MYO1B: variants seen among roughly 807,000 people sequenced by gnomAD.
MYO1B encodes the protein myosin IB.
A neutral mutation model predicts 159.7 loss-of-function variants in MYO1B; 72 were observed. That is an observed-to-expected ratio of 0.45 (90% CI 0.37 to 0.55). MYO1B has a LOEUF of 0.55. Among genes scored for constraint, MYO1B ranks in the 20% least tolerant of loss-of-function variants. The pLI is 0.00. For synonymous variants in MYO1B, 468 were observed against 473.8 expected (o/e 0.99, Z 0.16); for missense variants, 1,062 against 1,364.8 (o/e 0.78, Z 3.50).
chr2:191,416,450 A>G (rs1697571156), intron 30 of MYO1B: 2 of 565,722 alleles, frequency 3.5e-6, no homozygotes, highest in Non-Finnish European at 6.3e-6. Flanking sequence ...ACCAGTATGT[A>G]CAAATAAAAT....
intron 3 of MYO1B, among the ~76,000 whole-genome samples, chr2:191,313,192 C>CTTTTT (rs762175060): frequency 0.01 from 438 of 42,998 alleles, 100 homozygotes; most frequent in Non-Finnish European, 0.012. Flanking sequence ...GCACACATGG[C>CTTTTT]TTTTTTTTTT....
At chr2:191,307,423 C>T (rs886676240) in intron 3 of MYO1B, among the ~76,000 whole-genome samples, 61 of 152,118 alleles carry the variant, frequency 4.0e-4, no homozygotes, top group South Asian at 8.3e-4. Flanking sequence ...GCTTCTTTAC[C>T]GCAACCTGTT....
At chr2:191,397,230 T>C (rs1696168484) in intron 21 of MYO1B, among the ~76,000 whole-genome samples, 2 of 146,624 alleles carry the variant, frequency 1.4e-5, no homozygotes, top group Non-Finnish European at 3.0e-5. Context: ...TTCTTGGGTG[T>C]TTCTCGCAGA....
intron 3 of MYO1B, among the ~76,000 whole-genome samples, chr2:191,315,507 A>G (rs1392065394): frequency 6.6e-6 from 1 of 152,246 alleles, no homozygotes; most frequent in Non-Finnish European, 1.5e-5. Context: ...AGTTAATACC[A>G]TGACATCTTC....
At chr2:191,354,204 C>T (rs1027511158) in intron 7 of MYO1B, among the ~76,000 whole-genome samples, 7 of 151,392 alleles carry the variant, frequency 4.6e-5, no homozygotes, top group African/African-American at 7.3e-5. Context: ...TGCAGTGAGA[C>T]GAGATTGCAC....
At chr2:191,271,923 A>T (rs1175702702) in intron 1 of MYO1B, among the ~76,000 whole-genome samples, 1 of 152,136 alleles carries the variant, frequency 6.6e-6, no homozygotes, top group Non-Finnish European at 1.5e-5. Flanking sequence ...GGTGGCTTGC[A>T]ATTTAAGGTT....
intron 7 of MYO1B, among the ~76,000 whole-genome samples, chr2:191,353,026 A>G (rs1574490335): frequency 1.3e-5 from 2 of 152,216 alleles, no homozygotes; most frequent in East Asian, 1.9e-4. Context: ...CCTTGAGCCA[A>G]TTGTGTACCC....
chr2:191,307,261 C>T (rs1002828617), intron 3 of MYO1B, among the ~76,000 whole-genome samples: 1 of 151,800 alleles, frequency 6.6e-6, no homozygotes, highest in Non-Finnish European at 1.5e-5. Context: ...CGTAGAGTAA[C>T]TTCCCAACAT....
intron 1 of MYO1B, chr2:191,263,308 T>G: frequency 3.0e-6 from 3 of 985,012 alleles, no homozygotes; most frequent in Non-Finnish European, 3.6e-6. Flanking sequence ...TCACAACGAA[T>G]GTTTGTCTCT....
At chr2:191,251,327 C>T (rs531895241) in intron 1 of MYO1B, among the ~76,000 whole-genome samples, 27 of 152,292 alleles carry the variant, frequency 1.8e-4, no homozygotes, top group Middle Eastern at 3.4e-3. Context: ...TGAGAATAAG[C>T]GGTGTGGATG....
intron 3 of MYO1B, among the ~76,000 whole-genome samples, chr2:191,300,843 A>G (rs1255775443): frequency 6.6e-6 from 1 of 151,898 alleles, no homozygotes; most frequent in Non-Finnish European, 1.5e-5. Context: ...TGTAATTCAT[A>G]TGTTTTGAAG....
At chr2:191,390,895 T>C (rs1012924045) in intron 18 of MYO1B, among the ~76,000 whole-genome samples, 1 of 152,236 alleles carries the variant, frequency 6.6e-6, no homozygotes, top group Non-Finnish European at 1.5e-5. Context: ...CCTATATCTA[T>C]ACCAGTTAAT....
At chr2:191,291,035 C>G (rs1480590848) in intron 2 of MYO1B, among the ~76,000 whole-genome samples, 1 of 152,158 alleles carries the variant, frequency 6.6e-6, no homozygotes, top group Non-Finnish European at 1.5e-5. Flanking sequence ...GACCCCTGGC[C>G]GTTCCCTACA....
chr2:191,271,213 A>G lies in MYO1B; in HGVS notation c.-9-5674A>G, dbSNP rs1025440408. 2.6e-5 allele frequency among the ~76,000 whole-genome samples: 4 copies of G among 152,248 alleles called. No homozygotes were observed. In the East Asian group the frequency reaches 5.8e-4, roughly 22 times the overall value. ...ATAAAACACACTTGTTACTATGCGA[A>G]GAAGAATCCCTGTAGGTGCTGTCTC... On this transcript the variant is annotated intron_variant, in intron 1 of 30. Transcript: ENST00000392318.
At chr2:191,340,433 G>T (rs1214998855) in intron 4 of MYO1B, among the ~76,000 whole-genome samples, 1 of 152,146 alleles carries the variant, frequency 6.6e-6, no homozygotes, top group Non-Finnish European at 1.5e-5. Context: ...AAGCTAGGAG[G>T]CAGATGCCGA....
intron 7 of MYO1B, among the ~76,000 whole-genome samples, chr2:191,353,681 C>T (rs1020852361): frequency 6.6e-6 from 1 of 152,140 alleles, no homozygotes; most frequent in Non-Finnish European, 1.5e-5. Flanking sequence ...TTTCCAGTGT[C>T]TAAACAAAAG....
At chr2:191,264,830 T>C (rs188501380) in intron 1 of MYO1B, among the ~76,000 whole-genome samples, 72 of 151,694 alleles carry the variant, frequency 4.7e-4, no homozygotes, top group African/African-American at 1.6e-3. Context: ...ACTCAGTCTT[T>C]CCAGAGTTGA....
At position 191,366,869 on chromosome 2, in the gene MYO1B, G is replaced by GTT. The variant is rs538825802; in HGVS notation, c.1032+2600_1032+2601dup. 5.4e-3 allele frequency among the ~76,000 whole-genome samples: 821 copies of GTT among 150,934 alleles called. 2 individuals are homozygous for GTT. The highest frequency in any genetic ancestry group is 0.01 in the Middle Eastern group (3 of 294). ...ACACCCCGCACCCCCATCAGAACCT[G>GTT]TTTTTTTTGCAGTTTGGCACCTGTC... On this transcript the variant is annotated intron_variant, in intron 11 of 30. Transcript: ENST00000392318.
chr2:191,246,738 C>A (rs1360532615), intron 1 of MYO1B, among the ~76,000 whole-genome samples: 3 of 152,010 alleles, frequency 2.0e-5, no homozygotes, highest in African/African-American at 7.3e-5. Context: ...CAACAGTTTT[C>A]CAGGACTGTT....
Sources: gnomAD v4.1 joint callset for allele counts (sites outside exome capture counted in the v4.1 genomes callset) on GRCh38, gnomAD v4.1.1 for gene constraint, MANE v1.5 for transcripts, NCBI Gene and HGNC (gene_info 2026-07-23, HGNC 2026-07-21) for gene names.